The following PRKACB variants were observed in gnomAD, a reference collection of about 807,000 sequenced individuals.
PRKACB encodes cAMP-dependent protein kinase catalytic subunit beta.
Under a neutral mutation model 51.4 loss-of-function variants are expected in PRKACB, and 16 were observed. The ratio of observed to expected loss-of-function variants is 0.31; its 90% CI spans 0.21 to 0.47. The LOEUF is 0.47. Among genes scored for constraint, PRKACB ranks in the 20% least tolerant of loss-of-function variants. The probability of loss-of-function intolerance (pLI) is 1.00; values close to 1 mark genes in which losing one functional copy is unlikely to be tolerated. For synonymous variants in PRKACB, 147 were observed against 154.4 expected (o/e 0.95, Z 0.35); for missense variants, 309 against 464.5 (o/e 0.67, Z 3.08).
intron 1 of PRKACB, among the ~76,000 whole-genome samples, chr1:84,176,541 A>C (rs148548617): frequency 0.013 from 2,012 of 151,858 alleles, 58 homozygotes; most frequent in African/African-American, 0.046. Flanking sequence ...AATTATGTTT[A>C]TCTTTGCATC....
chr1:84,100,159 G>A (rs1028344666), intron 1 of PRKACB, among the ~76,000 whole-genome samples: 8 of 152,176 alleles, frequency 5.3e-5, no homozygotes, highest in African/African-American at 1.4e-4. Flanking sequence ...AAGGTGACAG[G>A]AGAGAGTGTG....
chr1:84,102,437 G>A (rs938891231), intron 1 of PRKACB, among the ~76,000 whole-genome samples: 1 of 151,922 alleles, frequency 6.6e-6, no homozygotes, highest in East Asian at 1.9e-4. Flanking sequence ...TCTTGTGTGT[G>A]GCTCACGTTA....
intron 1 of PRKACB, among the ~76,000 whole-genome samples, chr1:84,080,243 G>A (rs575147796): frequency 1.3e-5 from 2 of 152,168 alleles, no homozygotes; most frequent in African/African-American, 2.4e-5. Context: ...TTTTTATTAA[G>A]TTACCAAAAC....
chr1:84,110,615 A>T (rs539374186), intron 1 of PRKACB, among the ~76,000 whole-genome samples: 1 of 151,790 alleles, frequency 6.6e-6, no homozygotes, highest in Non-Finnish European at 1.5e-5. Flanking sequence ...AGTCATCAAT[A>T]ATTTGTTGTG....
At chr1:84,213,235 G>A (rs41301172) in intron 8 of PRKACB, among the ~76,000 whole-genome samples, 1 of 152,268 alleles carries the variant, frequency 6.6e-6, no homozygotes, top group Non-Finnish European at 1.5e-5. Flanking sequence ...AGCTGGAAAG[G>A]ATAGTGGAGA....
Position 84,231,718 on chromosome 1 carries a change from T to C in PRKACB, c.1072-3462T>C, listed in dbSNP as rs375380063. ...TCTAGTTTATTTGCGTAGAGGTGTT[T>C]GTAGTATTCTCTGATGGTAGTTTGT... On this transcript the variant is annotated intron_variant, in intron 9 of 9. Transcript: ENST00000370685. 2.6e-3 allele frequency among the ~76,000 whole-genome samples: 393 copies of C among 152,228 alleles called. 8 individuals carry two copies. The South Asian group carries it at 0.041, about 16-fold the overall frequency.
At chr1:84,140,645 A>G (rs1344366368), upstream of PRKACB, among the ~76,000 whole-genome samples, 1 of 152,208 alleles carries the variant, frequency 6.6e-6, no homozygotes. Context: ...TTATGGCTAT[A>G]GGTGACCGTC....
chr1:84,155,397 G>A (rs1476807749), intron 1 of PRKACB, among the ~76,000 whole-genome samples: 1 of 152,150 alleles, frequency 6.6e-6, no homozygotes, highest in Non-Finnish European at 1.5e-5. Context: ...GATATCTAAT[G>A]TTTATGGATC....
At chr1:84,112,183 G>C (rs1275118246) in intron 1 of PRKACB, among the ~76,000 whole-genome samples, 1 of 150,162 alleles carries the variant, frequency 6.7e-6, no homozygotes, top group Non-Finnish European at 1.5e-5. Flanking sequence ...TTGGAGGCAA[G>C]TGTCCATTTC....
At chr1:84,152,500 GT>G (rs1320583304) in intron 1 of PRKACB, among the ~76,000 whole-genome samples, 1 of 152,190 alleles carries the variant, frequency 6.6e-6, no homozygotes, top group Non-Finnish European at 1.5e-5. Flanking sequence ...TTGAAAATCT[GT>G]TGTTTAGTCT....
At chr1:84,193,166 ACCCCTTC>A (rs1348674951) in intron 5 of PRKACB, among the ~76,000 whole-genome samples, 2 of 151,972 alleles carry the variant, frequency 1.3e-5, no homozygotes. Flanking sequence ...AAAGAGAAAG[ACCCCTTC>A]CCAGCCAAAT....
intron 1 of PRKACB, among the ~76,000 whole-genome samples, chr1:84,079,955 C>T (rs183265199): frequency 4.4e-4 from 67 of 152,266 alleles, no homozygotes; most frequent in African/African-American, 1.2e-3. Flanking sequence ...CGTGAGCTAC[C>T]GTGCGTGACC....
At chr1:84,129,453 G>A (rs1651953686) in intron 1 of PRKACB, among the ~76,000 whole-genome samples, 1 of 151,992 alleles carries the variant, frequency 6.6e-6, no homozygotes, top group Non-Finnish European at 1.5e-5. Context: ...TTAAAGAAAT[G>A]TATGCATGTA....
At chr1:84,231,383 T>A (rs553224815) in intron 9 of PRKACB, among the ~76,000 whole-genome samples, 1 of 152,302 alleles carries the variant, frequency 6.6e-6, no homozygotes, top group South Asian at 2.1e-4. Flanking sequence ...TAAAATTCTC[T>A]TTTTTGGTTG....
chr1:84,081,702 TG>T (rs1426288966), intron 1 of PRKACB, among the ~76,000 whole-genome samples: 7 of 152,150 alleles, frequency 4.6e-5, no homozygotes, highest in Non-Finnish European at 1.0e-4. Flanking sequence ...TCTTTTAACC[TG>T]GGAGGGGTTT....
chr1:84,191,704 G>A (rs1037134999), intron 5 of PRKACB, among the ~76,000 whole-genome samples: 1 of 151,958 alleles, frequency 6.6e-6, no homozygotes, highest in Non-Finnish European at 1.5e-5. Context: ...GGAGAATATG[G>A]GCTGAAAAAT....
chr1:84,091,490 G>T (rs1557912234), intron 1 of PRKACB, among the ~76,000 whole-genome samples: 1 of 151,804 alleles, frequency 6.6e-6, no homozygotes, highest in Non-Finnish European at 1.5e-5. Flanking sequence ...TAACTTTCTT[G>T]TTTTTTTGGT....
chr1:84,181,804 A>G lies in PRKACB; in HGVS notation c.250-396A>G, dbSNP rs1663591189. The stretch of plus-strand genomic sequence containing the variant: ...TTATTTGCAAGTGCATTAAGTCTGT[A>G]TGGCTTCTATGACTCTTTGTCAGTA... On this transcript the variant is annotated intron_variant, in intron 2 of 9. Coordinates refer to ENST00000370685, the MANE Select transcript of PRKACB (RefSeq NM_182948.4). 23 of 1,022,806 alleles carry G rather than the reference A, an allele frequency of 2.2e-5. No homozygotes were observed. In the South Asian group the frequency reaches 4.4e-4, roughly 19 times the overall value. 63.4% of individuals were successfully genotyped at this position (1,022,806 alleles called of 1,614,324 possible). A position where few individuals can be genotyped will look rare whatever the true frequency, so the allele number is the denominator to read the frequency against.
chr1:84,209,695 G>C (rs186842983), intron 8 of PRKACB, among the ~76,000 whole-genome samples: 1 of 152,198 alleles, frequency 6.6e-6, no homozygotes, highest in East Asian at 1.9e-4. Flanking sequence ...GAAAAAGATA[G>C]GATAACATTG....
Sources: allele counts gnomAD v4.1 joint callset (sites outside exome capture counted in the v4.1 genomes callset), GRCh38; gene constraint gnomAD v4.1.1; transcripts MANE v1.5; gene names NCBI Gene and HGNC (gene_info 2026-07-23, HGNC 2026-07-21).